NDFIP2: variants seen among roughly 807,000 people sequenced by gnomAD.
The protein encoded by NDFIP2 is Nedd4 family interacting protein 2, also known as NEDD4 family-interacting protein 2.
A neutral mutation model predicts 36.0 loss-of-function variants in NDFIP2; 19 were observed. The observed-to-expected ratio is 0.53, with a 90% confidence interval of 0.37 to 0.77. NDFIP2 has a LOEUF of 0.77. NDFIP2 is among the 30% of genes least tolerant of loss of function. The pLI, the probability that NDFIP2 is intolerant of heterozygous loss-of-function variation, is 0.00. For synonymous variants in NDFIP2, 181 were observed against 167.7 expected (o/e 1.08, Z -0.61); for missense variants, 446 against 435.8 (o/e 1.02, Z -0.21).
intron 7 of NDFIP2, among the ~76,000 whole-genome samples, 157 bp from the exon 8 acceptor site, chr13:79,552,359 A>C (rs903617814): frequency 1.3e-5 from 2 of 151,506 alleles, no homozygotes; most frequent in Non-Finnish European, 3.0e-5. Context: ...TCTGCTATAG[A>C]AGCCTTACAC....
intron 3 of NDFIP2, among the ~76,000 whole-genome samples, chr13:79,537,729 G>A (rs1875297322): frequency 6.6e-6 from 1 of 152,140 alleles, no homozygotes; most frequent in Non-Finnish European, 1.5e-5. Flanking sequence ...TCAGTGTCCT[G>A]GATTCAAGTT....
chr13:79,550,511 A>G (rs763652469), intron 6 of NDFIP2, among the ~76,000 whole-genome samples: 34 of 151,768 alleles, frequency 2.2e-4, no homozygotes, highest in Middle Eastern at 3.4e-3. Context: ...ATCTTCAAAT[A>G]CAGATTTCAC....
chr13:79,528,613 A>G (rs932082856), intron 2 of NDFIP2, among the ~76,000 whole-genome samples: 10 of 152,152 alleles, frequency 6.6e-5, no homozygotes, highest in African/African-American at 1.2e-4. Context: ...TAGGTGCCCT[A>G]TCCAGGTCGG....
chr13:79,517,897 A>G (rs1394854769), intron 1 of NDFIP2, among the ~76,000 whole-genome samples: 9 of 152,288 alleles, frequency 5.9e-5, no homozygotes, highest in African/African-American at 2.2e-4. Flanking sequence ...TGTTTTGCAT[A>G]TAAGATTTTT....
chr13:79,493,671 T>A (rs182229822), intron 1 of NDFIP2, among the ~76,000 whole-genome samples: 3 of 152,138 alleles, frequency 2.0e-5, no homozygotes. Context: ...AGCAACAGAG[T>A]TAAAATACAT....
intron 1 of NDFIP2, among the ~76,000 whole-genome samples, chr13:79,490,070 A>G (rs1873166648): frequency 6.6e-6 from 1 of 152,136 alleles, no homozygotes; most frequent in Admixed American, 6.5e-5. Flanking sequence ...GATAGGCAAG[A>G]GGCCACCCTC....
intron 1 of NDFIP2, among the ~76,000 whole-genome samples, chr13:79,509,583 GT>G (rs1873996463): frequency 6.6e-6 from 1 of 151,970 alleles, no homozygotes; most frequent in Non-Finnish European, 1.5e-5. Context: ...GCCTGAATTA[GT>G]TTTACAGGTT....
intron 1 of NDFIP2, among the ~76,000 whole-genome samples, chr13:79,517,278 C>A (rs188055823): frequency 1.1e-4 from 17 of 152,122 alleles, no homozygotes; most frequent in African/African-American, 3.9e-4. Context: ...AAATAGGGCA[C>A]AGAGCTTAGG....
chr13:79,488,096 A>T (rs1594838558), intron 1 of NDFIP2, among the ~76,000 whole-genome samples: 1 of 152,126 alleles, frequency 6.6e-6, no homozygotes, highest in Non-Finnish European at 1.5e-5. Flanking sequence ...GGTTCTGTCA[A>T]TGTCTGATTT....
chr13:79,535,420 C>T (rs1186819513), intron 3 of NDFIP2, among the ~76,000 whole-genome samples: 1 of 152,120 alleles, frequency 6.6e-6, no homozygotes, highest in Non-Finnish European at 1.5e-5. Flanking sequence ...CTGTTCCATT[C>T]CCTCATTGTC....
At chr13:79,519,170 G>GTA (rs1223691580) in intron 1 of NDFIP2, 2 of 151,986 alleles carry the variant, frequency 1.3e-5, no homozygotes, top group African/African-American at 2.4e-5. Flanking sequence ...ATTCAAATTG[G>GTA]TATGTATACT....
rs1363118772 is a variant in NDFIP2 at position 79,520,959 on chromosome 13, A to G, written c.471A>G (p.Glu157=). Residue 157 remains glutamate (E), a synonymous_variant, in exon 2 of 8, where the codon GAA becomes GAG. Coordinates refer to ENST00000218652, the MANE Select transcript of NDFIP2 (RefSeq NM_019080.3). ...CACCATATAGTAGTATTACTGTGGAAGTACCTACAACTTCAGGTATGAAAC... is the reference window on the plus strand; with the variant it reads ...CACCATATAGTAGTATTACTGTGGAGGTACCTACAACTTCAGGTATGAAAC... ...SPPPYSSITV[E]VPTTSDTEVY... 4 of 1,603,908 alleles carry G rather than the reference A, an allele frequency of 2.5e-6. No individual in the cohort carries two copies. The East Asian group carries it at 6.7e-5, about 27-fold the overall frequency.
At chr13:79,549,960 A>G (rs1054579754) in intron 6 of NDFIP2, among the ~76,000 whole-genome samples, 1 of 151,768 alleles carries the variant, frequency 6.6e-6, no homozygotes, top group Non-Finnish European at 1.5e-5. Context: ...TTTACTACAC[A>G]CATGCTTCTT....
chr13:79,527,458 T>G (rs527385885), intron 2 of NDFIP2, among the ~76,000 whole-genome samples: 1 of 152,344 alleles, frequency 6.6e-6, no homozygotes, highest in East Asian at 1.9e-4. Flanking sequence ...TGTTTTCACT[T>G]TCTTTAAAGA....
chr13:79,532,320 C>T (rs977386129), intron 2 of NDFIP2, among the ~76,000 whole-genome samples: 1 of 152,092 alleles, frequency 6.6e-6, no homozygotes, highest in East Asian at 1.9e-4. Context: ...TGTATAAAAC[C>T]AGGTATGCTT....
intron 7 of NDFIP2, among the ~76,000 whole-genome samples, chr13:79,551,921 A>G (rs972654983): frequency 7.9e-5 from 12 of 151,374 alleles, no homozygotes; most frequent in Non-Finnish European, 1.5e-4. Flanking sequence ...GTCTACTAGT[A>G]CTTAACTTCT....
At chr13:79,524,730 A>G (rs1874724634) in intron 2 of NDFIP2, among the ~76,000 whole-genome samples, 4 of 152,192 alleles carry the variant, frequency 2.6e-5, no homozygotes, top group Admixed American at 2.6e-4. Context: ...GCTGTCACCC[A>G]TACTTTCTAA....
intron 5 of NDFIP2, 112 bp downstream of exon 5, chr13:79,543,794 C>T: frequency 7.5e-7 from 1 of 1,337,944 alleles, no homozygotes; most frequent in Non-Finnish European, 1.0e-6. Flanking sequence ...TATTTCAAGG[C>T]TTATTCTTAA....
intron 1 of NDFIP2, among the ~76,000 whole-genome samples, chr13:79,500,652 C>T (rs1320564549): frequency 6.6e-6 from 1 of 151,982 alleles, no homozygotes; most frequent in Non-Finnish European, 1.5e-5. Context: ...AAATTCAGAA[C>T]GCTGACAACA....
Sources: allele counts gnomAD v4.1 joint callset (sites outside exome capture counted in the v4.1 genomes callset), GRCh38; gene constraint gnomAD v4.1.1; transcripts MANE v1.5; gene names NCBI Gene and HGNC (gene_info 2026-07-23, HGNC 2026-07-21).